The following RBM19 variants were observed in gnomAD, a reference collection of about 807,000 sequenced individuals.
RBM19 encodes the protein probable RNA-binding protein 19.
In RBM19, 94 loss-of-function variants were observed where a neutral mutation model predicts 116.8. The ratio of observed to expected loss-of-function variants is 0.80; its 90% confidence interval spans 0.68 to 0.95. The LOEUF (loss-of-function observed/expected upper bound fraction) is 0.95. Among genes scored for constraint, RBM19 ranks in the 40% least tolerant of loss-of-function variants. The pLI is 0.00. For synonymous variants in RBM19, 475 were observed against 494.1 expected (o/e 0.96, Z 0.51); for missense variants, 1,161 against 1,220.7 (o/e 0.95, Z 0.73).
At chr12:113,864,959 T>A (rs1236011565) in intron 21 of RBM19, among the ~76,000 whole-genome samples, 1 of 152,038 alleles carries the variant, frequency 6.6e-6, no homozygotes, top group Non-Finnish European at 1.5e-5. Flanking sequence ...GTCATCACCA[T>A]TCCCACAGTG....
intron 22 of RBM19, among the ~76,000 whole-genome samples, chr12:113,849,781 T>C (rs1343953269): frequency 1.3e-5 from 2 of 152,176 alleles, no homozygotes; most frequent in East Asian, 3.9e-4. Flanking sequence ...TTGGGAGCAC[T>C]TCCTGCCATC....
At chr12:113,918,564 G>C (rs1031016205) in intron 19 of RBM19, 117 bp from the exon 20 acceptor site, 1 of 1,040,364 alleles carries the variant, frequency 9.6e-7, no homozygotes, top group African/African-American at 1.6e-5. Flanking sequence ...GTTCCCCGGG[G>C]AGTGGGGCTA....
chr12:113,830,570 CGGGGCGG>C lies in RBM19; in HGVS notation c.2786-7256_2786-7250del, dbSNP rs1282217876. ...ATGGAGTTACCCTGAGCTAGGGCTGCGGGGCGGGGGGGGGGGGGGTGGGCTATGCCTG... is the reference window on the plus strand; with the variant it reads ...ATGGAGTTACCCTGAGCTAGGGCTGCGGGGGGGGGGGGTGGGCTATGCCTG... On this transcript the variant is annotated intron_variant, in intron 23 of 23. Coordinates refer to ENST00000261741, the MANE Select transcript of RBM19 (RefSeq NM_016196.4). Among the ~76,000 whole-genome samples the C allele has an allele frequency of 8.4e-3, 66 of 7,836 alleles. 1 individual carries two copies. The highest frequency in any genetic ancestry group is 0.044 in the East Asian group (23 of 524). The allele number at this position is 7,836 out of a possible 152,430, so 5.1% of individuals were successfully genotyped here. A position where few individuals can be genotyped will look rare whatever the true frequency, so the allele number is the denominator to read the frequency against.
At chr12:113,827,235 C>T (rs1455581873) in intron 23 of RBM19, among the ~76,000 whole-genome samples, 9 of 152,278 alleles carry the variant, frequency 5.9e-5, no homozygotes, top group East Asian at 1.9e-4. Context: ...CAGCTGCACC[C>T]GAAGATAAAC....
At chr12:113,841,210 T>A (rs966786246) in intron 23 of RBM19, among the ~76,000 whole-genome samples, 1 of 152,098 alleles carries the variant, frequency 6.6e-6, no homozygotes, top group African/African-American at 2.4e-5. Context: ...AACATGCACA[T>A]AACAGGGCCT....
At chr12:113,865,059 A>G (rs1288722738) in intron 21 of RBM19, among the ~76,000 whole-genome samples, 2 of 152,156 alleles carry the variant, frequency 1.3e-5, no homozygotes, top group Non-Finnish European at 2.9e-5. Flanking sequence ...TGGTTTTTGC[A>G]TCCTTAGAAT....
At chr12:113,912,244 T>C (rs1882475654) in intron 21 of RBM19, among the ~76,000 whole-genome samples, 1 of 152,188 alleles carries the variant, frequency 6.6e-6, no homozygotes, top group South Asian at 2.1e-4. Flanking sequence ...TCCGGAGCCC[T>C]GCACTCTCAC....
downstream of RBM19, among the ~76,000 whole-genome samples, chr12:113,819,921 C>T (rs536142034): frequency 1.4e-4 from 22 of 152,286 alleles, no homozygotes; most frequent in Non-Finnish European, 2.9e-4. Flanking sequence ...ATCTTAATTG[C>T]TTTCCTAGTT....
chr12:113,966,172 A>C lies in RBM19; in HGVS notation c.36+20T>G. The C allele has an allele frequency of 6.2e-7, 1 of 1,614,184 alleles. No homozygotes were observed. The highest frequency in any genetic ancestry group is 1.1e-5 in the South Asian group (1 of 91,082). On this transcript the variant is annotated intron_variant, in intron 1 of 23. Coordinates refer to ENST00000261741, the MANE Select transcript of RBM19 (RefSeq NM_016196.4). ...CGGCTGGTCTCATTTCAGATTCCCA[A>C]GTCCTGCCTCTGCACTCACCCCATT...
intron 21 of RBM19, among the ~76,000 whole-genome samples, chr12:113,865,029 C>G (rs1171051958): frequency 6.6e-6 from 1 of 152,234 alleles, no homozygotes; most frequent in Non-Finnish European, 1.5e-5. Context: ...TCATCTCTTC[C>G]AAATTGCTTA....
At chr12:113,912,817 G>A (rs866876707) in intron 21 of RBM19, among the ~76,000 whole-genome samples, 1 of 152,168 alleles carries the variant, frequency 6.6e-6, no homozygotes, top group Non-Finnish European at 1.5e-5. Flanking sequence ...TTACCGGCCA[G>A]TGGCTTTGTC....
At chr12:113,901,093 C>G (rs1881657375) in intron 21 of RBM19, among the ~76,000 whole-genome samples, 1 of 152,182 alleles carries the variant, frequency 6.6e-6, no homozygotes, top group Non-Finnish European at 1.5e-5. Flanking sequence ...CCTCACACTG[C>G]AAACTGAAGG....
chr12:113,945,809 C>T lies in RBM19; in HGVS notation c.1626+19G>A. 1.3e-6 allele frequency: 2 copies of T among 1,521,970 alleles called. No homozygotes were observed. Among genetic ancestry groups the T allele is most frequent in the South Asian group, 1.1e-5 (1 of 88,594 alleles). The allele number at this position is 1,521,970 out of a possible 1,614,324, so 94.3% of individuals were successfully genotyped here. On this transcript the variant is annotated intron_variant, in intron 13 of 23. Transcript: ENST00000261741. Reference sequence around the variant, plus strand: ...AGTTTGGCCCAGATCCCAGAGAGGACTGGTCGGCCCTTACTCACGTGGTCA... The same window carrying T: ...AGTTTGGCCCAGATCCCAGAGAGGATTGGTCGGCCCTTACTCACGTGGTCA...
At chr12:113,895,592 C>T (rs1454523173) in intron 21 of RBM19, among the ~76,000 whole-genome samples, 2 of 152,144 alleles carry the variant, frequency 1.3e-5, no homozygotes, top group South Asian at 2.1e-4. Context: ...ACATCCGTCG[C>T]CTACAGGTTC....
At chr12:113,854,221 A>T (rs10850223) in intron 22 of RBM19, among the ~76,000 whole-genome samples, 32,077 of 152,022 alleles carry the variant, frequency 0.21, 3,652 homozygotes, top group East Asian at 0.47. Context: ...GAGGATTAAA[A>T]CTTATATATG....
chr12:113,819,161 C>T (rs1024832559), downstream of RBM19, among the ~76,000 whole-genome samples: 3 of 152,314 alleles, frequency 2.0e-5, no homozygotes, highest in South Asian at 2.1e-4. Flanking sequence ...ACAGCAGATG[C>T]GGTTCCAGCC....
rs549370228 is a variant in RBM19 at position 113,955,313 on chromosome 12, C to T, written c.841-102G>A. ...TTTCAGTGCCAGAGAAGGTGCCTGC[C>T]GCCAGGGGGAGCTGGGGAATGCTGG... On this transcript the variant is annotated intron_variant, in intron 6 of 23. Coordinates refer to ENST00000261741, the MANE Select transcript of RBM19 (RefSeq NM_016196.4). The T allele has an allele frequency of 5.2e-4, 583 of 1,126,184 alleles. 1 individual carries two copies. The highest frequency in any genetic ancestry group is 6.3e-4 in the Non-Finnish European group (470 of 742,516). The allele number at this position is 1,126,184 out of a possible 1,614,324, so 69.8% of individuals were successfully genotyped here. A position where few individuals can be genotyped will look rare whatever the true frequency, so the allele number is the denominator to read the frequency against.
At chr12:113,944,816 T>C (rs536335791) in intron 13 of RBM19, among the ~76,000 whole-genome samples, 77 of 151,208 alleles carry the variant, frequency 5.1e-4, no homozygotes, top group Admixed American at 5.1e-3. Context: ...AAATTATATA[T>C]ACATGTGTAT....
rs1439746478 is a variant in RBM19 at position 113,838,408 on chromosome 12, ACAAACTCCACGGGGAGAACATG to A, written c.2785+6238_2785+6259del. ...CATGCAAACTCCATGGGGAGAACAC[ACAAACTCCACGGGGAGAACATG>A]CAAACTCCACGGGGAGAACATGCAA... is the stretch of plus-strand genomic sequence containing the variant. On this transcript the variant is annotated intron_variant, in intron 23 of 23. Transcript: ENST00000261741. Among the ~76,000 whole-genome samples, 17 of 152,212 alleles carry A rather than the reference ACAAACTCCACGGGGAGAACATG, an allele frequency of 1.1e-4. No individual in the cohort carries two copies. In the East Asian group the frequency reaches 1.9e-3, roughly 17 times the overall value.
Sources: gnomAD v4.1 joint callset for allele counts (sites outside exome capture counted in the v4.1 genomes callset) on GRCh38, gnomAD v4.1.1 for gene constraint, MANE v1.5 for transcripts, NCBI Gene and HGNC (gene_info 2026-07-23, HGNC 2026-07-21) for gene names.